L3MBTL3: variants seen among roughly 807,000 people sequenced by gnomAD.
The protein encoded by L3MBTL3 is lethal(3)malignant brain tumor-like protein 3.
In L3MBTL3, 27 loss-of-function variants were observed where a neutral mutation model predicts 102.3. The ratio of observed to expected loss-of-function variants is 0.26; its 90% CI spans 0.19 to 0.36. The LOEUF is 0.36. Ranked by LOEUF, L3MBTL3 falls within the 10% of genes least tolerant of loss-of-function variation. L3MBTL3 has a pLI of 1.00. For missense variants in L3MBTL3, 798 were observed against 955.3 expected (o/e 0.84, Z 2.17); for synonymous variants, 340 against 320.9 (o/e 1.06, Z -0.64).
At chr6:130,041,732 T>A (rs1441602013) in intron 2 of L3MBTL3, among the ~76,000 whole-genome samples, 1 of 152,230 alleles carries the variant, frequency 6.6e-6, no homozygotes, top group Non-Finnish European at 1.5e-5. Flanking sequence ...ATTCTTTGGA[T>A]ATGACTTCTG....
At chr6:130,063,398 G>C (rs1782038142) in intron 10 of L3MBTL3, among the ~76,000 whole-genome samples, 1 of 152,146 alleles carries the variant, frequency 6.6e-6, no homozygotes, top group South Asian at 2.1e-4. Context: ...GACCATCTAG[G>C]AGAATTGCTA....
chr6:130,080,377 T>C (rs1783254807), intron 14 of L3MBTL3, among the ~76,000 whole-genome samples: 1 of 152,214 alleles, frequency 6.6e-6, no homozygotes, highest in African/African-American at 2.4e-5. Flanking sequence ...TACAAAATAA[T>C]AGTGGCCAGT....
At chr6:130,115,615 ATAAT>A (rs1785619190) in intron 19 of L3MBTL3, among the ~76,000 whole-genome samples, 1 of 152,236 alleles carries the variant, frequency 6.6e-6, no homozygotes, top group African/African-American at 2.4e-5. Flanking sequence ...ATCACAAAGC[ATAAT>A]TAGATTAAGA....
intron 19 of L3MBTL3, among the ~76,000 whole-genome samples, chr6:130,113,711 C>T (rs560554461): frequency 7.9e-5 from 12 of 152,344 alleles, no homozygotes; most frequent in African/African-American, 1.4e-4. Flanking sequence ...ATGAGAACTA[C>T]ATAGAGCGGT....
Position 130,055,157 on chromosome 6 carries a change from CT to C in L3MBTL3, c.583-11del, listed in dbSNP as rs752677662. ...CTTGAACTTTAAAGTCATAATTTTC[CT>C]TTCTTTTTGTAGGAGAACAAACAAG... On this transcript the variant is annotated splice_polypyrimidine_tract_variant and intron_variant, in intron 7 of 22. Coordinates refer to ENST00000361794, the MANE Select transcript of L3MBTL3 (RefSeq NM_032438.4). 7.5e-6 allele frequency: 12 copies of C among 1,609,556 alleles called. No individual in the cohort carries two copies. The highest frequency in any genetic ancestry group is 1.0e-5 in the Non-Finnish European group (12 of 1,176,072).
chr6:130,060,782 A>G (rs1008866801), intron 10 of L3MBTL3, among the ~76,000 whole-genome samples: 2 of 151,992 alleles, frequency 1.3e-5, no homozygotes, highest in South Asian at 4.1e-4. Flanking sequence ...ACATACATAT[A>G]TTACTGAGAG....
In L3MBTL3 at chr6:130,042,818, A is replaced by G. The variant is rs1395045108; in HGVS notation, c.102+17A>G. Reference sequence around the variant, plus strand: ...GACTTAAAGGTAAACCCTCTTTATTACATACAATTATGTGTGTGTGCATCT... The same window carrying G: ...GACTTAAAGGTAAACCCTCTTTATTGCATACAATTATGTGTGTGTGCATCT... On this transcript the variant is annotated intron_variant, in intron 3 of 22. Coordinates refer to ENST00000361794, the MANE Select transcript of L3MBTL3 (RefSeq NM_032438.4). 6.7e-7 allele frequency: 1 copy of G among 1,497,646 alleles called. No individual in the cohort carries two copies. Among genetic ancestry groups the G allele is most frequent in the South Asian group, 1.1e-5 (1 of 88,676 alleles). 92.8% of individuals were successfully genotyped at this position (1,497,646 alleles called of 1,614,324 possible).
At chr6:130,023,224 G>T (rs1179574964) in intron 2 of L3MBTL3, among the ~76,000 whole-genome samples, 1 of 152,088 alleles carries the variant, frequency 6.6e-6, no homozygotes, top group Non-Finnish European at 1.5e-5. Flanking sequence ...ATTGGGCCAG[G>T]TGTAATCTAG....
At chr6:130,056,601 A>G (rs1010354026) in intron 8 of L3MBTL3, among the ~76,000 whole-genome samples, 1 of 152,180 alleles carries the variant, frequency 6.6e-6, no homozygotes, top group Non-Finnish European at 1.5e-5. Flanking sequence ...CTTCTATTTT[A>G]CATCACTGAG....
intron 19 of L3MBTL3, among the ~76,000 whole-genome samples, chr6:130,108,498 G>T (rs972222525): frequency 6.6e-6 from 1 of 151,972 alleles, no homozygotes; most frequent in Non-Finnish European, 1.5e-5. Flanking sequence ...CTCCCAAATT[G>T]CTGGGATTAC....
chr6:130,125,016 C>A (rs1786500211), intron 20 of L3MBTL3, among the ~76,000 whole-genome samples: 1 of 151,962 alleles, frequency 6.6e-6, no homozygotes, highest in Admixed American at 6.6e-5. Flanking sequence ...CATTTGGTAA[C>A]CAACATGGCA....
At chr6:130,066,560 T>C (rs1022590197) in intron 11 of L3MBTL3, 72 bp downstream of exon 11, 1 of 1,347,636 alleles carries the variant, frequency 7.4e-7, no homozygotes. Context: ...ATTAGAATTG[T>C]TAAGAATTCA....
intron 20 of L3MBTL3, among the ~76,000 whole-genome samples, chr6:130,128,414 G>C (rs916174899): frequency 6.6e-6 from 1 of 152,108 alleles, no homozygotes; most frequent in Non-Finnish European, 1.5e-5. Context: ...TTGCTGGAAG[G>C]CTAGCCATTA....
At chr6:130,055,900 T>C (rs1303980379) in intron 8 of L3MBTL3, among the ~76,000 whole-genome samples, 2 of 149,936 alleles carry the variant, frequency 1.3e-5, no homozygotes, top group Non-Finnish European at 3.0e-5. Flanking sequence ...CCTTCCCTTC[T>C]GTCCCCTCCC....
intron 2 of L3MBTL3, among the ~76,000 whole-genome samples, chr6:130,035,818 C>T (rs1384809797): frequency 2.6e-5 from 4 of 152,208 alleles, no homozygotes; most frequent in East Asian, 3.9e-4. Flanking sequence ...AGGAAAAAGC[C>T]GAATCTTGTC....
intron 9 of L3MBTL3, 54 bp downstream of exon 9, chr6:130,057,551 G>C: frequency 7.4e-7 from 1 of 1,345,456 alleles, no homozygotes; most frequent in Non-Finnish European, 1.0e-6. Flanking sequence ...TGGGATACCA[G>C]CCTGAATTAC....
rs763623021 is a variant in L3MBTL3, at chr6:130,133,523, A to G, written c.2038A>G (p.Ile680Val). 22 of 1,613,930 alleles carry G rather than the reference A, an allele frequency of 1.4e-5. No homozygotes were observed. The South Asian group carries it at 2.2e-4, about 16-fold the overall frequency. The change falls in exon 21 of 23, where the codon ATT becomes GTT. Residue 680 changes from isoleucine to valine, a missense_variant. Physicochemically the swap from Ile to Val is conservative, Grantham distance 29. Around this residue, in one of 4 missense-constraint regions of L3MBTL3, gnomAD observed 306 missense variants for 314.4 expected, o/e 0.97. Coordinates refer to ENST00000361794, the MANE Select transcript of L3MBTL3 (RefSeq NM_032438.4). This position sits in a 1 kb window ranked among gnomAD's most constrained non-coding sequence, Gnocchi z 4.9. Reference protein sequence around the residue: ...SAVFLSFKSPIPCLPLRWEQQ... With the variant: ...SAVFLSFKSPVPCLPLRWEQQ... ...TGTCTTTCTGTCCTTTAAGTCCCCA[A>G]TTCCATGTCTGCCCTTGCGCTGGGA...
chr6:130,020,222 C>T (rs1292333188), intron 1 of L3MBTL3, among the ~76,000 whole-genome samples: 1 of 148,570 alleles, frequency 6.7e-6, no homozygotes, highest in African/African-American at 2.5e-5. Context: ...GCCGTCCTCG[C>T]GCCGCGGCGG....
chr6:130,090,987 CT>C (rs1359612826), intron 16 of L3MBTL3, among the ~76,000 whole-genome samples: 18 of 152,024 alleles, frequency 1.2e-4, no homozygotes, highest in African/African-American at 4.3e-4. Flanking sequence ...AGGGTTTCAT[CT>C]TTTTGTGCTG....
Sources: allele counts gnomAD v4.1 joint callset (sites outside exome capture counted in the v4.1 genomes callset), GRCh38; gene constraint gnomAD v4.1.1; regional missense constraint gnomAD v4.1.1; non-coding constraint Gnocchi (gnomAD v3.1); transcripts MANE v1.5; gene names NCBI Gene and HGNC (gene_info 2026-07-23, HGNC 2026-07-21).